The following PRR33 variants were observed in gnomAD, a reference collection of about 807,000 sequenced individuals.
PRR33 encodes proline rich 33.
Under a neutral mutation model 0.5 loss-of-function variants are expected in PRR33, and 1 was observed. The ratio of observed to expected loss-of-function variants is 2.18; its 90% CI spans 0.77 to 10.34. The LOEUF is 10.34. PRR33 is among the 30% of genes most tolerant of loss of function. PRR33 has a pLI of 0.13. For missense variants in PRR33, 552 were observed against 251.8 expected (o/e 2.19, Z -8.07); for synonymous variants, 226 against 110.0 (o/e 2.06, Z -6.60).
chr11:1,890,247 C>T (rs1301948794), exon 1 of PRR33: 13 of 711,470 alleles, frequency 1.8e-5, no homozygotes, highest in East Asian at 8.1e-5. Context: ...GTGCGGGGAG[C>T]GGGGTAGGGC....
the PRR33 span, among the ~76,000 whole-genome samples, chr11:1,898,237 CT>C: frequency 0.033 from 4,750 of 144,358 alleles, 73 homozygotes; most frequent in African/African-American, 0.036. Flanking sequence ...ACGAGGGATA[CT>C]TTTTTTTTTT....
At chr11:1,896,413 G>T (rs866394862), upstream of PRR33, among the ~76,000 whole-genome samples, 4 of 152,158 alleles carry the variant, frequency 2.6e-5, no homozygotes, top group Admixed American at 1.3e-4. Context: ...ATACAGTTAG[G>T]AAGTGGTATT....
upstream of PRR33, among the ~76,000 whole-genome samples, chr11:1,893,624 GTGGA>G (rs1849079708): frequency 6.6e-6 from 1 of 151,146 alleles, no homozygotes; most frequent in Non-Finnish European, 1.5e-5. Context: ...AGGTGGGTGG[GTGGA>G]TGGATGGATG....
At chr11:1,914,014 C>A in the PRR33 span, among the ~76,000 whole-genome samples, 1 of 152,248 alleles carries the variant, frequency 6.6e-6, no homozygotes. Flanking sequence ...TCCTGGGGGG[C>A]CTTTCAGAAC....
chr11:1,912,807 A>T, the PRR33 span, among the ~76,000 whole-genome samples: 14 of 152,100 alleles, frequency 9.2e-5, no homozygotes, highest in East Asian at 7.7e-4. Context: ...GGTTTTTGCC[A>T]TGTTGCCCAG....
At chr11:1,890,203 G>A in the PRR33 span, 7 of 716,888 alleles carry the variant, frequency 9.8e-6, no homozygotes, top group African/African-American at 1.0e-4. Context: ...GTGGACTTCT[G>A]CAGGGGTGAT....
the PRR33 span, among the ~76,000 whole-genome samples, chr11:1,898,206 G>A: frequency 1.6e-4 from 25 of 151,882 alleles, 1 homozygote; most frequent in Non-Finnish European, 3.1e-4. Context: ...CTTTGGAGTA[G>A]AATCTGTTCC....
the PRR33 span, among the ~76,000 whole-genome samples, chr11:1,905,668 G>A: frequency 4.7e-5 from 7 of 150,374 alleles, no homozygotes; most frequent in Non-Finnish European, 8.9e-5. Context: ...TGCCCAGGGT[G>A]TTCTTGACCT....
At chr11:1,896,691 T>A (rs563904460), upstream of PRR33, among the ~76,000 whole-genome samples, 148 of 152,366 alleles carry the variant, frequency 9.7e-4, no homozygotes, top group Admixed American at 3.1e-3. Context: ...ACGGAGGTGA[T>A]GAGGGCGGAC....
chr11:1,913,345 C>T, the PRR33 span, among the ~76,000 whole-genome samples: 179 of 151,128 alleles, frequency 1.2e-3, 1 homozygote, highest in African/African-American at 4.1e-3. Flanking sequence ...GGGGTTTCAC[C>T]GTGTGTTAGC....
chr11:1,893,858 C>T (rs138518401), upstream of PRR33, among the ~76,000 whole-genome samples: 559 of 137,918 alleles, frequency 4.1e-3, 2 homozygotes, highest in African/African-American at 0.015. Flanking sequence ...GATGAAAGGA[C>T]GGATAGATAG....
the PRR33 span, among the ~76,000 whole-genome samples, chr11:1,899,452 T>A: frequency 2.0e-5 from 3 of 152,152 alleles, no homozygotes; most frequent in Non-Finnish European, 2.9e-5. Context: ...ATGAAAAGCT[T>A]TCTGTACCTG....
At chr11:1,915,422 T>C in the PRR33 span, among the ~76,000 whole-genome samples, 9 of 149,558 alleles carry the variant, frequency 6.0e-5, no homozygotes, top group Admixed American at 3.3e-4. Flanking sequence ...TGTTGTGCGG[T>C]CACGCACCTG....
chr11:1,897,435 T>C, the PRR33 span, among the ~76,000 whole-genome samples: 4 of 152,188 alleles, frequency 2.6e-5, no homozygotes, highest in Non-Finnish European at 5.9e-5. The surrounding 1 kb of genome is among the most constrained non-coding windows in gnomAD (Gnocchi z 4.0). Flanking sequence ...TGTGCTGGAA[T>C]TTCATGTGCT....
At chr11:1,903,980 A>G in the PRR33 span, among the ~76,000 whole-genome samples, 1 of 152,232 alleles carries the variant, frequency 6.6e-6, no homozygotes, top group African/African-American at 2.4e-5. Flanking sequence ...ATCAGATTCC[A>G]TCCTGGACCC....
upstream of PRR33, among the ~76,000 whole-genome samples, chr11:1,893,165 AGTGG>A (rs1171051218): frequency 9.5e-6 from 1 of 105,454 alleles, no homozygotes; most frequent in African/African-American, 3.3e-5. Context: ...TGAATGAGTA[AGTGG>A]GTGGGTGGGT....
chr11:1,889,044 T>C (rs892384945), exon 1 of PRR33: 5 of 576,172 alleles, frequency 8.7e-6, no homozygotes, highest in South Asian at 6.2e-5. Context: ...CCTTGGGCCC[T>C]GGTGCATCTT....
chr11:1,889,172 G>T, exon 1 of PRR33: 1 of 674,456 alleles, frequency 1.5e-6, no homozygotes. Flanking sequence ...CAGTCGCTGT[G>T]CGGTTGAAGT....
At chr11:1,909,937 T>G in the PRR33 span, among the ~76,000 whole-genome samples, 1 of 152,372 alleles carries the variant, frequency 6.6e-6, no homozygotes, top group East Asian at 1.9e-4. Context: ...CAAGTGATAT[T>G]TTAAAATATA....
Sources: gnomAD v4.1 joint callset for allele counts (sites outside exome capture counted in the v4.1 genomes callset) on GRCh38, gnomAD v4.1.1 for gene constraint, Gnocchi (gnomAD v3.1) non-coding constraint, MANE v1.5 for transcripts, NCBI Gene and HGNC (gene_info 2026-07-23, HGNC 2026-07-21) for gene names.